Variants in PIP4K2A observed in about 807,000 individuals in gnomAD.
The protein encoded by PIP4K2A is phosphatidylinositol 5-phosphate 4-kinase type-2 alpha.
In PIP4K2A, 14 loss-of-function variants were observed where a neutral mutation model predicts 42.9. The observed-to-expected ratio is 0.33, with a 90% CI of 0.22 to 0.51. The LOEUF (loss-of-function observed/expected upper bound fraction) is 0.51. Ranked by LOEUF, PIP4K2A falls within the 20% of genes least tolerant of loss-of-function variation. PIP4K2A has a pLI of 0.97. For synonymous variants in PIP4K2A, 192 were observed against 192.2 expected, an observed-to-expected ratio of 1.00 and a Z score of 0.01; for missense variants, 434 against 519.8, an observed-to-expected ratio of 0.83 and a Z score of 1.61.
At chr10:22,553,091 A>G (rs1471474001) in intron 6 of PIP4K2A, among the ~76,000 whole-genome samples, 3 of 152,178 alleles carry the variant, frequency 2.0e-5, no homozygotes, top group African/African-American at 4.8e-5. Flanking sequence ...CATGTACTCT[A>G]TGACTAAGCT....
chr10:22,595,554 C>T (rs557044052), intron 3 of PIP4K2A, among the ~76,000 whole-genome samples: 12 of 152,184 alleles, frequency 7.9e-5, no homozygotes, highest in Non-Finnish European at 1.2e-4. Flanking sequence ...GCCAGGAGTT[C>T]GAGACCAGCC....
intron 1 of PIP4K2A, among the ~76,000 whole-genome samples, chr10:22,695,160 T>A (rs773920316): frequency 3.9e-5 from 6 of 152,162 alleles, no homozygotes; most frequent in Non-Finnish European, 8.8e-5. Context: ...AAAAATAAAA[T>A]CCACTACACA....
intron 1 of PIP4K2A, among the ~76,000 whole-genome samples, chr10:22,643,957 C>T (rs748864573): frequency 6.6e-6 from 1 of 152,176 alleles, no homozygotes; most frequent in Non-Finnish European, 1.5e-5. Flanking sequence ...CCTGCCCCAC[C>T]ATCTGCAGTG....
intron 1 of PIP4K2A, among the ~76,000 whole-genome samples, chr10:22,711,271 T>C (rs1318378462): frequency 1.3e-5 from 2 of 152,240 alleles, no homozygotes; most frequent in Non-Finnish European, 2.9e-5. Context: ...TTGCAAGTTG[T>C]TATGTTTCAA....
intron 9 of PIP4K2A, among the ~76,000 whole-genome samples, chr10:22,537,504 G>A (rs1835967602): frequency 1.3e-5 from 2 of 152,108 alleles, no homozygotes; most frequent in South Asian, 2.1e-4. Context: ...GACAAAGGGC[G>A]ACAGGAGCAC....
At chr10:22,664,329 G>A (rs562478663) in intron 1 of PIP4K2A, among the ~76,000 whole-genome samples, 3 of 148,770 alleles carry the variant, frequency 2.0e-5, no homozygotes, top group African/African-American at 7.4e-5. Context: ...CATCAGCAAT[G>A]TGTAACTGTT....
intron 7 of PIP4K2A, among the ~76,000 whole-genome samples, chr10:22,546,188 C>T (rs1196049888): frequency 6.6e-6 from 1 of 152,146 alleles, no homozygotes; most frequent in Non-Finnish European, 1.5e-5. Flanking sequence ...CAATGCCACT[C>T]ACCTCACAGG....
intron 1 of PIP4K2A, among the ~76,000 whole-genome samples, chr10:22,665,659 C>T (rs1011924342): frequency 1.3e-5 from 2 of 149,484 alleles, no homozygotes; most frequent in African/African-American, 4.9e-5. Context: ...CACTATGTTG[C>T]CCACACTGGT....
chr10:22,552,712 AC>A (rs1836443135), intron 6 of PIP4K2A, among the ~76,000 whole-genome samples: 2 of 152,186 alleles, frequency 1.3e-5, no homozygotes, highest in South Asian at 4.1e-4. Context: ...AGACCTACAC[AC>A]AAAAACAGGA....
rs570101374 is a variant in PIP4K2A, at chr10:22,664,060, T to TATATATAC, written c.144+50122_144+50123insGTATATAT. 2.4e-5 allele frequency among the ~76,000 whole-genome samples: 2 copies of TATATATAC among 83,100 alleles called. 1 individual carries two copies. The highest frequency in any genetic ancestry group is 1.9e-4 in the African/African-American group (2 of 10,272). The allele number at this position is 83,100 out of a possible 152,430, so 54.5% of individuals were successfully genotyped here. ...ATATATATATATACATATGTATATATACATATATATATATACGTATATATA... is the reference window on the plus strand; with the variant it reads ...ATATATATATATACATATGTATATATATATATACACATATATATATATACGTATATATA... On this transcript the variant is annotated intron_variant, in intron 1 of 9. Coordinates refer to ENST00000376573, the MANE Select transcript of PIP4K2A (RefSeq NM_005028.5).
chr10:22,680,826 T>C (rs770305462), intron 1 of PIP4K2A, among the ~76,000 whole-genome samples: 12 of 152,146 alleles, frequency 7.9e-5, no homozygotes, highest in Non-Finnish European at 1.2e-4. Context: ...GATTTTTATA[T>C]TGATTAGTGT....
intron 1 of PIP4K2A, among the ~76,000 whole-genome samples, chr10:22,698,708 T>C (rs543151072): frequency 6.6e-6 from 1 of 152,318 alleles, no homozygotes; most frequent in East Asian, 1.9e-4. Context: ...TAAGAATACA[T>C]AGTAAGATTA....
intron 4 of PIP4K2A, among the ~76,000 whole-genome samples, chr10:22,585,904 T>C (rs1837383782): frequency 6.6e-6 from 1 of 152,278 alleles, no homozygotes; most frequent in Admixed American, 6.5e-5. Context: ...TCAATACTTT[T>C]CAATTTTAAT....
chr10:22,599,820 G>A (rs1564437078), intron 3 of PIP4K2A, among the ~76,000 whole-genome samples: 1 of 152,092 alleles, frequency 6.6e-6, no homozygotes, highest in South Asian at 2.1e-4. Flanking sequence ...TGCTATCTCG[G>A]TCCTCTCAAC....
At chr10:22,616,180 T>G in intron 1 of PIP4K2A, among the ~76,000 whole-genome samples, 1 of 149,962 alleles carries the variant, frequency 6.7e-6, no homozygotes, top group Non-Finnish European at 1.5e-5. Context: ...GACTCAAGAG[T>G]GGGGGCAGGG....
intron 5 of PIP4K2A, among the ~76,000 whole-genome samples, chr10:22,570,024 A>G (rs983630406): frequency 6.6e-6 from 1 of 152,128 alleles, no homozygotes; most frequent in South Asian, 2.1e-4. Flanking sequence ...ATTTACTCCA[A>G]GATATGTTTA....
chr10:22,621,763 T>C (rs1838335742), intron 1 of PIP4K2A, among the ~76,000 whole-genome samples: 1 of 152,258 alleles, frequency 6.6e-6, no homozygotes, highest in Non-Finnish European at 1.5e-5. Context: ...GGATGGCATG[T>C]ACAGTTCAGC....
At chr10:22,650,805 G>A (rs1838977944) in intron 1 of PIP4K2A, among the ~76,000 whole-genome samples, 1 of 151,222 alleles carries the variant, frequency 6.6e-6, no homozygotes, top group South Asian at 2.1e-4. Context: ...TAAACTAGAT[G>A]GAGAGTTTCT....
At chr10:22,650,668 G>T (rs1301446948) in intron 1 of PIP4K2A, among the ~76,000 whole-genome samples, 2 of 152,220 alleles carry the variant, frequency 1.3e-5, no homozygotes, top group Non-Finnish European at 2.9e-5. Context: ...TCTCAACAGA[G>T]ATAAACTCAT....
Sources: gnomAD v4.1 joint callset for allele counts (sites outside exome capture counted in the v4.1 genomes callset) on GRCh38, gnomAD v4.1.1 for gene constraint, MANE v1.5 for transcripts, NCBI Gene and HGNC (gene_info 2026-07-23, HGNC 2026-07-21) for gene names.